The following ZNF804A variants were observed in gnomAD, a reference collection of about 807,000 sequenced individuals.
ZNF804A encodes the protein zinc finger protein 804A.
ZNF804A carries 2 observed loss-of-function variants against 16.5 expected under a neutral mutation model. The observed-to-expected ratio is 0.12, with a 90% CI of 0.05 to 0.38. The LOEUF (loss-of-function observed/expected upper bound fraction) is 0.38. ZNF804A is among the 10% of genes least tolerant of loss of function. The probability of loss-of-function intolerance (pLI) is 0.99; values close to 1 mark genes in which losing one functional copy is unlikely to be tolerated. For synonymous variants in ZNF804A, 534 were observed against 489.6 expected, an observed-to-expected ratio of 1.09 and a Z score of -1.20; for missense variants, 1,473 against 1,390.7, an observed-to-expected ratio of 1.06 and a Z score of -0.94.
At chr2:184,888,533 T>C (rs1684931563) in intron 2 of ZNF804A, among the ~76,000 whole-genome samples, 1 of 152,188 alleles carries the variant, frequency 6.6e-6, no homozygotes, top group Non-Finnish European at 1.5e-5. Context: ...ATTCTAAGCA[T>C]AGGCATCTCA....
At chr2:184,786,016 G>A (rs1694443694) in intron 1 of ZNF804A, among the ~76,000 whole-genome samples, 1 of 151,966 alleles carries the variant, frequency 6.6e-6, no homozygotes. Context: ...GAAGTCAGAG[G>A]TGTCTCAAAT....
chr2:184,938,729 A>T lies in ZNF804A; in HGVS notation c.3333A>T (p.Ala1111=). The T allele has an allele frequency of 6.2e-7, 1 of 1,606,088 alleles. No homozygotes were observed. The highest frequency in any genetic ancestry group is 1.7e-5 in the Admixed American group (1 of 59,514). Residue 1111 remains alanine (A), a synonymous_variant, in exon 4 of 4, where the codon GCA becomes GCT. Coordinates refer to ENST00000302277, the MANE Select transcript of ZNF804A (RefSeq NM_194250.2). Reference sequence around the variant, plus strand: ...TGCAGCAGCACGCTGCAGCTGCTGCAGCTGCAGCTGCAGCCGCAGCTGCAG... The same window carrying T: ...TGCAGCAGCACGCTGCAGCTGCTGCTGCTGCAGCTGCAGCCGCAGCTGCAG... ...TVLQQHAAAA[A]AAAAAAAAGT...
Position 184,598,751 on chromosome 2 carries a change from G to A in ZNF804A, c.-209G>A, listed in dbSNP as rs1446500216. The A allele has an allele frequency of 8.2e-6, 3 of 363,810 alleles. No homozygotes were observed. Among genetic ancestry groups the A allele is most frequent in the Non-Finnish European group, 1.5e-5 (3 of 206,496 alleles). 22.5% of individuals were successfully genotyped at this position (363,810 alleles called of 1,614,324 possible). ...GAGAAACAGGAGCGAGAGACTGAGGGGAGAGCGCGGCGAGCATGCGGAGGC... is the reference window on the plus strand; with the variant it reads ...GAGAAACAGGAGCGAGAGACTGAGGAGAGAGCGCGGCGAGCATGCGGAGGC... On this transcript the variant is annotated 5_prime_UTR_variant, in exon 1 of 4. Coordinates refer to ENST00000302277, the MANE Select transcript of ZNF804A (RefSeq NM_194250.2).
At chr2:184,735,342 A>T (rs1693589975) in intron 1 of ZNF804A, among the ~76,000 whole-genome samples, 1 of 152,194 alleles carries the variant, frequency 6.6e-6, no homozygotes, top group Non-Finnish European at 1.5e-5. Flanking sequence ...TAACACAGGA[A>T]CAGAAAACCA....
rs779134403 is a variant in ZNF804A at position 184,930,230 on chromosome 2, G to C, written c.256-3373G>C. ...TAAAATTTATGAGCAAAATATTCTT[G>C]ACCTATTATACTGTAATTCTACACC... On this transcript the variant is annotated intron_variant, in intron 2 of 3. Coordinates refer to ENST00000302277, the MANE Select transcript of ZNF804A (RefSeq NM_194250.2). 7.4e-4 allele frequency among the ~76,000 whole-genome samples: 113 copies of C among 151,974 alleles called. 1 individual carries two copies. The highest frequency in any genetic ancestry group is 1.5e-3 in the Non-Finnish European group (103 of 67,998).
At chr2:184,680,242 C>T (rs1692516345) in intron 1 of ZNF804A, among the ~76,000 whole-genome samples, 1 of 151,904 alleles carries the variant, frequency 6.6e-6, no homozygotes, top group South Asian at 2.1e-4. Context: ...CGGAGAAGAG[C>T]TACCCACTGC....
intron 2 of ZNF804A, among the ~76,000 whole-genome samples, chr2:184,876,115 G>C (rs373504325): frequency 6.6e-6 from 1 of 152,156 alleles, no homozygotes; most frequent in Non-Finnish European, 1.5e-5. Context: ...CTGCCCCAGA[G>C]GAAGTCAAGG....
chr2:184,711,219 T>C (rs541905636), intron 1 of ZNF804A, among the ~76,000 whole-genome samples: 1 of 151,898 alleles, frequency 6.6e-6, no homozygotes, highest in South Asian at 2.1e-4. Context: ...TGTAGTGATA[T>C]TTTGTTGTGG....
intron 1 of ZNF804A, among the ~76,000 whole-genome samples, chr2:184,730,372 C>T (rs1693493944): frequency 6.6e-6 from 1 of 152,118 alleles, no homozygotes; most frequent in Non-Finnish European, 1.5e-5. Flanking sequence ...CGAATATACA[C>T]AGACACATCA....
intron 1 of ZNF804A, among the ~76,000 whole-genome samples, chr2:184,844,839 T>C (rs1695489853): frequency 6.6e-6 from 1 of 151,968 alleles, no homozygotes; most frequent in South Asian, 2.1e-4. Context: ...GCTTTTGATA[T>C]TCTAAATATA....
At chr2:184,639,785 G>A (rs1264754338) in intron 1 of ZNF804A, among the ~76,000 whole-genome samples, 5 of 151,964 alleles carry the variant, frequency 3.3e-5, no homozygotes, top group African/African-American at 1.2e-4. Context: ...GGCGGATCAC[G>A]AGGTCAGGAG....
chr2:184,612,809 G>C (rs1183324260), intron 1 of ZNF804A, among the ~76,000 whole-genome samples: 1 of 152,206 alleles, frequency 6.6e-6, no homozygotes, highest in Admixed American at 6.5e-5. Context: ...TAGAATTTCA[G>C]ATGGAGTTTA....
chr2:184,834,212 C>G (rs996075298), intron 1 of ZNF804A, among the ~76,000 whole-genome samples: 2 of 152,100 alleles, frequency 1.3e-5, no homozygotes, highest in South Asian at 2.1e-4. Flanking sequence ...TGGTTTATGT[C>G]AAATAATAAC....
chr2:184,600,840 A>G (rs1691032999), intron 1 of ZNF804A, among the ~76,000 whole-genome samples: 2 of 152,142 alleles, frequency 1.3e-5, no homozygotes, highest in African/African-American at 4.8e-5. Flanking sequence ...TTCATTCTTC[A>G]TGACTTACAT....
intron 1 of ZNF804A, among the ~76,000 whole-genome samples, chr2:184,678,491 T>A (rs113520994): frequency 1.3e-4 from 20 of 152,248 alleles, no homozygotes; most frequent in African/African-American, 3.8e-4. Context: ...CTTTGCAATA[T>A]TTAAATGTAC....
At chr2:184,792,671 T>C (rs1420861513) in intron 1 of ZNF804A, among the ~76,000 whole-genome samples, 1 of 152,226 alleles carries the variant, frequency 6.6e-6, no homozygotes, top group African/African-American at 2.4e-5. Context: ...TTAATTTCAA[T>C]GAAGTCCAGT....
rs530909414 is a variant in ZNF804A at position 184,717,736 on chromosome 2, G to A, written c.111+118666G>A. On this transcript the variant is annotated intron_variant, in intron 1 of 3. Transcript: ENST00000302277. ...GTTTATGGAGTACATGTGATATTTCGTTACATGCATATAATGTGTAATGAT... is the reference window on the plus strand; with the variant it reads ...GTTTATGGAGTACATGTGATATTTCATTACATGCATATAATGTGTAATGAT... Among the ~76,000 whole-genome samples, 193 of 152,172 alleles carry A rather than the reference G, an allele frequency of 1.3e-3. 1 individual carries two copies. The highest frequency in any genetic ancestry group is 6.6e-3 in the South Asian group (32 of 4,816).
chr2:184,808,665 A>T (rs752498888), intron 1 of ZNF804A, among the ~76,000 whole-genome samples: 34 of 151,632 alleles, frequency 2.2e-4, no homozygotes, highest in Non-Finnish European at 3.7e-4. Flanking sequence ...GACACACAAA[A>T]AAAAACTTAA....
At chr2:184,775,304 G>A (rs1368538330) in intron 1 of ZNF804A, among the ~76,000 whole-genome samples, 2 of 151,616 alleles carry the variant, frequency 1.3e-5, no homozygotes, top group Non-Finnish European at 3.0e-5. Flanking sequence ...AAGAAGACAG[G>A]TTATTTACCT....
Sources: gnomAD v4.1 joint callset for allele counts (sites outside exome capture counted in the v4.1 genomes callset) on GRCh38, gnomAD v4.1.1 for gene constraint, MANE v1.5 for transcripts, NCBI Gene and HGNC (gene_info 2026-07-23, HGNC 2026-07-21) for gene names.